The following GPC5 variants were observed in gnomAD, a reference collection of about 807,000 sequenced individuals.
The protein encoded by GPC5 is glypican-5.
A neutral mutation model predicts 53.9 loss-of-function variants in GPC5; 47 were observed. The observed-to-expected ratio is 0.87, with a 90% CI of 0.69 to 1.11. GPC5 has a LOEUF of 1.11. Among genes scored for constraint, GPC5 ranks in the 50% most tolerant of loss-of-function variants. The pLI, the probability that GPC5 is intolerant of heterozygous loss-of-function variation, is 0.00. For synonymous variants in GPC5, 286 were observed against 263.3 expected, an observed-to-expected ratio of 1.09 and a Z score of -0.84; for missense variants, 748 against 713.1, an observed-to-expected ratio of 1.05 and a Z score of -0.56.
chr13:92,301,881 GA>G (rs2043078034), intron 7 of GPC5, among the ~76,000 whole-genome samples: 1 of 152,052 alleles, frequency 6.6e-6, no homozygotes, highest in Non-Finnish European at 1.5e-5. Flanking sequence ...CTGGGCAACA[GA>G]GCAAGACTGT....
intron 3 of GPC5, among the ~76,000 whole-genome samples, chr13:91,711,593 TAAAGTA>T (rs1194307186): frequency 1.3e-5 from 2 of 152,154 alleles, no homozygotes; most frequent in African/African-American, 2.4e-5. Flanking sequence ...CCCTAGAAGT[TAAAGTA>T]TAATACTAAT....
chr13:92,128,683 G>A (rs577070735), intron 6 of GPC5, among the ~76,000 whole-genome samples: 9 of 152,258 alleles, frequency 5.9e-5, no homozygotes, highest in African/African-American at 2.2e-4. Flanking sequence ...AAGTAATCCT[G>A]GCCGGGTGTG....
chr13:91,802,699 G>T (rs184801651), intron 5 of GPC5, among the ~76,000 whole-genome samples: 1 of 152,064 alleles, frequency 6.6e-6, no homozygotes, highest in Non-Finnish European at 1.5e-5. Flanking sequence ...GTCCCCAGCC[G>T]ACCCGGAAGC....
At chr13:92,266,080 AT>A (rs1278590720) in intron 7 of GPC5, among the ~76,000 whole-genome samples, 1 of 152,174 alleles carries the variant, frequency 6.6e-6, no homozygotes, top group Non-Finnish European at 1.5e-5. Context: ...TCATAGCCTA[AT>A]TGCCTCTCAT....
chr13:91,850,745 A>G (rs964989148), intron 5 of GPC5, among the ~76,000 whole-genome samples: 5 of 151,900 alleles, frequency 3.3e-5, no homozygotes, highest in Admixed American at 6.6e-5. Flanking sequence ...CATTTGTTAG[A>G]TATGTCTCTA....
chr13:92,717,274 A>T (rs1307427647), intron 7 of GPC5, among the ~76,000 whole-genome samples: 1 of 152,126 alleles, frequency 6.6e-6, no homozygotes, highest in Non-Finnish European at 1.5e-5. Flanking sequence ...AGCAAGAGGG[A>T]AAAAGGAGAT....
At chr13:91,812,544 C>A (rs1195014947) in intron 5 of GPC5, among the ~76,000 whole-genome samples, 2 of 152,152 alleles carry the variant, frequency 1.3e-5, no homozygotes, top group Non-Finnish European at 2.9e-5. Context: ...AATAACTTCC[C>A]AAATTTAAAT....
intron 2 of GPC5, among the ~76,000 whole-genome samples, chr13:91,452,389 A>G (rs1881244447): frequency 6.6e-6 from 1 of 152,144 alleles, no homozygotes; most frequent in Non-Finnish European, 1.5e-5. Flanking sequence ...GAAAACTGCT[A>G]CCCTTATGTC....
At chr13:92,829,411 C>G (rs995782608) in intron 7 of GPC5, among the ~76,000 whole-genome samples, 1 of 152,182 alleles carries the variant, frequency 6.6e-6, no homozygotes, top group Admixed American at 6.6e-5. Context: ...AGACTCACTA[C>G]AGAAATCATT....
rs539712882 is a variant in GPC5, at chr13:92,691,771, G to GT, written c.1562-174499dup. Among the ~76,000 whole-genome samples, 1,063 of 142,708 alleles carry GT rather than the reference G, an allele frequency of 7.4e-3. 5 individuals carry two copies. Among genetic ancestry groups the GT allele is most frequent in the South Asian group, 0.014 (63 of 4,518 alleles). The allele number at this position is 142,708 out of a possible 152,430, so 93.6% of individuals were successfully genotyped here. On this transcript the variant is annotated intron_variant, in intron 7 of 7. Transcript: ENST00000377067. ...AATTTTCTATATAGATGGTTTTAGG[G>GT]TTTTTTTTTTTTATACCTTAAACTA...
rs138378079 is a variant in GPC5, at chr13:91,466,881, T to C, written c.325+17959T>C. Among the ~76,000 whole-genome samples, 10 of 150,632 alleles carry C rather than the reference T, an allele frequency of 6.6e-5. No homozygotes were observed. The East Asian group carries it at 1.7e-3, about 26-fold the overall frequency. ...AACTCTAAGACTGTGGGTATACTACTATGGAGAGCACACACATTCCTTCAT... is the reference window on the plus strand; with the variant it reads ...AACTCTAAGACTGTGGGTATACTACCATGGAGAGCACACACATTCCTTCAT... On this transcript the variant is annotated intron_variant, in intron 2 of 7. Coordinates refer to ENST00000377067, the MANE Select transcript of GPC5 (RefSeq NM_004466.6).
intron 7 of GPC5, among the ~76,000 whole-genome samples, chr13:92,397,106 T>C (rs1875317803): frequency 6.6e-6 from 1 of 152,234 alleles, no homozygotes; most frequent in Admixed American, 6.5e-5. Flanking sequence ...AGTTTCTCAC[T>C]GTTAACACTT....
intron 2 of GPC5, among the ~76,000 whole-genome samples, chr13:91,513,784 C>G (rs1885358997): frequency 6.6e-6 from 1 of 152,060 alleles, no homozygotes; most frequent in Non-Finnish European, 1.5e-5. Flanking sequence ...CTACAAGGGT[C>G]ACTCGTCTTC....
intron 7 of GPC5, among the ~76,000 whole-genome samples, chr13:92,197,657 C>A (rs2042266429): frequency 8.9e-6 from 1 of 112,628 alleles, no homozygotes; most frequent in South Asian, 3.7e-4. Context: ...GCCATCACAT[C>A]TGGCTAATTT....
chr13:91,870,825 T>G (rs1203800763), intron 5 of GPC5, among the ~76,000 whole-genome samples: 2 of 152,342 alleles, frequency 1.3e-5, no homozygotes, highest in East Asian at 3.9e-4. Flanking sequence ...CTTGATAAAT[T>G]TATTCAAGTT....
chr13:91,881,546 TCTC>T lies in GPC5; in HGVS notation c.1281-26388_1281-26386del, dbSNP rs555588666. On this transcript the variant is annotated intron_variant, in intron 5 of 7. Coordinates refer to ENST00000377067, the MANE Select transcript of GPC5 (RefSeq NM_004466.6). ...ATTCAATAATATTGAGTCTCAGACT[TCTC>T]CTTCTTTTTTCTGAATGTGCATTTA... is the stretch of plus-strand genomic sequence containing the variant. 2.0e-4 allele frequency among the ~76,000 whole-genome samples: 30 copies of T among 152,258 alleles called. No individual in the cohort carries two copies. The East Asian group carries it at 3.5e-3, about 18-fold the overall frequency.
At chr13:91,896,117 A>ATTT (rs1185370619) in intron 5 of GPC5, among the ~76,000 whole-genome samples, 3 of 128,012 alleles carry the variant, frequency 2.3e-5, no homozygotes, top group Non-Finnish European at 3.3e-5. Context: ...ATTTTTTCTA[A>ATTT]TTTTTTTTTT....
chr13:91,778,378 C>G (rs188298483), intron 5 of GPC5, among the ~76,000 whole-genome samples: 1 of 152,154 alleles, frequency 6.6e-6, no homozygotes, highest in Non-Finnish European at 1.5e-5. Context: ...TCTTCACTTT[C>G]AGATTCAATG....
intron 5 of GPC5, among the ~76,000 whole-genome samples, chr13:91,831,573 G>A (rs897854080): frequency 6.6e-6 from 1 of 151,634 alleles, no homozygotes; most frequent in African/African-American, 2.4e-5. Flanking sequence ...AAATTATATT[G>A]AAATACATAG....
Sources: gnomAD v4.1 joint callset for allele counts (sites outside exome capture counted in the v4.1 genomes callset) on GRCh38, gnomAD v4.1.1 for gene constraint, MANE v1.5 for transcripts, NCBI Gene and HGNC (gene_info 2026-07-23, HGNC 2026-07-21) for gene names.